Variants in RBFOX2 observed in about 807,000 individuals in gnomAD.
RBFOX2 encodes the protein RNA binding fox-1 homolog 2.
RBFOX2 carries 10 observed loss-of-function variants against 49.1 expected under a neutral mutation model. The observed-to-expected ratio is 0.20, with a 90% confidence interval of 0.13 to 0.35. The LOEUF is 0.35. Ranked by LOEUF, RBFOX2 falls within the 10% of genes least tolerant of loss-of-function variation. The pLI is 1.00. For synonymous variants in RBFOX2, 183 were observed against 187.4 expected (o/e 0.98, Z 0.19); for missense variants, 323 against 486.9 (o/e 0.66, Z 3.17).
At chr22:35,899,673 C>T (rs1234383876) in intron 1 of RBFOX2, among the ~76,000 whole-genome samples, 1 of 151,762 alleles carries the variant, frequency 6.6e-6, no homozygotes, top group Non-Finnish European at 1.5e-5. Flanking sequence ...TGCTTTATAG[C>T]TATATACAAT....
At position 35,792,221 on chromosome 22, in the gene RBFOX2, G is replaced by C. The variant is rs529154236; in HGVS notation, c.253-10475C>G. Among the ~76,000 whole-genome samples, 9 of 150,714 alleles carry C rather than the reference G, an allele frequency of 6.0e-5. No individual in the cohort carries two copies. The East Asian group carries it at 1.8e-3, about 30-fold the overall frequency. On this transcript the variant is annotated intron_variant, in intron 2 of 11. Coordinates refer to ENST00000405409, the Ensembl canonical transcript of RBFOX2. ...AATCCCAGCTACTTGGGAAGCTTTG[G>C]CACGAGAATTGCTTGAACCGGGAGG...
chr22:35,998,067 C>T (rs1292193053), intron 1 of RBFOX2: 2 of 152,094 alleles, frequency 1.3e-5, no homozygotes, highest in Non-Finnish European at 2.9e-5. Flanking sequence ...TTTCAGTTGC[C>T]TTAGCTAACA....
At chr22:35,822,040 G>C (rs1044244505) in intron 1 of RBFOX2, 2 of 494,908 alleles carry the variant, frequency 4.0e-6, no homozygotes, top group Non-Finnish European at 4.0e-6. Flanking sequence ...ACAAAGAGAG[G>C]GCCAGCCTTT....
intron 1 of RBFOX2, among the ~76,000 whole-genome samples, chr22:35,984,011 A>ATT (rs1424232168): frequency 6.6e-6 from 1 of 152,150 alleles, no homozygotes; most frequent in Admixed American, 6.6e-5. Context: ...TTCCACTCAG[A>ATT]TAATTTTTTT....
intron 1 of RBFOX2, among the ~76,000 whole-genome samples, chr22:35,856,580 T>C (rs1236324423): frequency 7.0e-6 from 1 of 142,892 alleles, no homozygotes; most frequent in Non-Finnish European, 1.5e-5. Context: ...TGCACCAGGG[T>C]AAGACAGAAC....
chr22:36,018,005 T>C (rs561327957), intron 1 of RBFOX2, among the ~76,000 whole-genome samples: 29 of 152,262 alleles, frequency 1.9e-4, no homozygotes, highest in South Asian at 4.1e-4. Flanking sequence ...TCACAGGGGA[T>C]AGAAAGCAGA....
chr22:35,918,301 T>C (rs2050652780), intron 1 of RBFOX2, among the ~76,000 whole-genome samples: 1 of 152,222 alleles, frequency 6.6e-6, no homozygotes, highest in Non-Finnish European at 1.5e-5. Context: ...AAGGTATCTC[T>C]ATTCCTTGGA....
chr22:35,837,197 A>C (rs556853323), intron 1 of RBFOX2, among the ~76,000 whole-genome samples: 1 of 152,350 alleles, frequency 6.6e-6, no homozygotes, highest in East Asian at 1.9e-4. Context: ...AAGCGCATAC[A>C]CTGTGCAAAT....
intron 1 of RBFOX2, among the ~76,000 whole-genome samples, chr22:35,854,756 ACT>A: frequency 6.6e-6 from 1 of 152,232 alleles, no homozygotes; most frequent in East Asian, 1.9e-4. Context: ...TTGAATTATA[ACT>A]CTTATACTTT....
At chr22:35,849,974 G>C (rs1364529650) in intron 1 of RBFOX2, among the ~76,000 whole-genome samples, 2 of 152,098 alleles carry the variant, frequency 1.3e-5, no homozygotes, top group African/African-American at 4.8e-5. Context: ...AGCCAGGGAA[G>C]GGAACACAGG....
At chr22:35,918,844 G>A (rs2050713790) in intron 1 of RBFOX2, among the ~76,000 whole-genome samples, 2 of 152,132 alleles carry the variant, frequency 1.3e-5, no homozygotes, top group African/African-American at 4.8e-5. Context: ...GCCTTTAGCT[G>A]CAATTCCTCA....
chr22:35,922,484 A>G (rs2051142836), intron 1 of RBFOX2, among the ~76,000 whole-genome samples: 1 of 151,920 alleles, frequency 6.6e-6, no homozygotes, highest in South Asian at 2.1e-4. Flanking sequence ...AGGCAGAAGA[A>G]TTGCTTGAAC....
In RBFOX2 at chr22:35,805,332, C is replaced by G. The variant is rs543759933; in HGVS notation, c.252+4448G>C. 2.7e-5 allele frequency among the ~76,000 whole-genome samples: 4 copies of G among 150,300 alleles called. No individual in the cohort carries two copies. In the East Asian group the frequency reaches 7.8e-4, roughly 29 times the overall value. ...AAAAAAAGTAAGACAAAGACCTTACCAGATACCTCACCAAATAAGATATAA... is the reference window on the plus strand; with the variant it reads ...AAAAAAAGTAAGACAAAGACCTTACGAGATACCTCACCAAATAAGATATAA... On this transcript the variant is annotated intron_variant, in intron 2 of 11. Coordinates refer to ENST00000405409, the Ensembl canonical transcript of RBFOX2.
chr22:35,752,589 G>A, intron 9 of RBFOX2: 2 of 968,284 alleles, frequency 2.1e-6, no homozygotes, highest in Non-Finnish European at 2.5e-6. Context: ...CTGATTGATT[G>A]GCAGGTCACA....
At chr22:35,874,398 T>C (rs920747893) in intron 1 of RBFOX2, among the ~76,000 whole-genome samples, 1 of 152,098 alleles carries the variant, frequency 6.6e-6, no homozygotes, top group African/African-American at 2.4e-5. Flanking sequence ...ACTTACAAGT[T>C]GTCAAAAACA....
At chr22:35,881,543 C>T (rs1161531907) in intron 1 of RBFOX2, among the ~76,000 whole-genome samples, 3 of 151,524 alleles carry the variant, frequency 2.0e-5, no homozygotes, top group African/African-American at 7.3e-5. Context: ...GATCGCACCA[C>T]TGCACTCCAG....
rs796617423 is a variant in RBFOX2 at position 35,792,629 on chromosome 22, ATCATTTTT to A, written c.253-10891_253-10884del. Among the ~76,000 whole-genome samples the A allele has an allele frequency of 5.9e-5, 9 of 152,298 alleles. 1 individual carries two copies. The highest frequency in any genetic ancestry group is 2.2e-4 in the African/African-American group (9 of 41,558). On this transcript the variant is annotated intron_variant, in intron 2 of 11. Coordinates refer to ENST00000405409, the Ensembl canonical transcript of RBFOX2. ...ACCGTAGGCGGAAGGAACTATTATCATCATTTTTACAGATAAGGAAAATGAGCATTGGA... is the reference window on the plus strand; with the variant it reads ...ACCGTAGGCGGAAGGAACTATTATCAACAGATAAGGAAAATGAGCATTGGA...
intron 1 of RBFOX2, among the ~76,000 whole-genome samples, chr22:35,907,867 G>A (rs1348036660): frequency 6.6e-6 from 1 of 151,864 alleles, no homozygotes; most frequent in Non-Finnish European, 1.5e-5. Flanking sequence ...GACTGATCTC[G>A]AACTTCTGAC....
chr22:35,814,822 A>G (rs1440638943), intron 1 of RBFOX2, among the ~76,000 whole-genome samples: 2 of 151,820 alleles, frequency 1.3e-5, no homozygotes, highest in African/African-American at 2.4e-5. Flanking sequence ...TGGGAGGCCA[A>G]GGAGGGAGGA....
Sources: allele counts gnomAD v4.1 joint callset (sites outside exome capture counted in the v4.1 genomes callset), GRCh38; gene constraint gnomAD v4.1.1; transcripts MANE v1.5; gene names NCBI Gene and HGNC (gene_info 2026-07-23, HGNC 2026-07-21).